Variants in FER1L6 observed in about 807,000 individuals in gnomAD.
FER1L6 encodes the protein fer-1-like protein 6.
Under a neutral mutation model 219.2 loss-of-function variants are expected in FER1L6, and 177 were observed. The observed-to-expected ratio is 0.81, with a 90% CI of 0.71 to 0.91. The LOEUF (loss-of-function observed/expected upper bound fraction) is 0.91. FER1L6 is among the 40% of genes least tolerant of loss of function. FER1L6 has a pLI of 0.00. For synonymous variants in FER1L6, 768 were observed against 824.3 expected (o/e 0.93, Z 1.17); for missense variants, 2,153 against 2,259.9 (o/e 0.95, Z 0.96).
chr8:123,865,075 A>G lies in FER1L6; in HGVS notation c.-8+12890A>G, dbSNP rs969983548. Among the ~76,000 whole-genome samples, 14 of 150,278 alleles carry G rather than the reference A, an allele frequency of 9.3e-5. 1 individual carries two copies. Among genetic ancestry groups the G allele is most frequent in the African/African-American group, 3.5e-4 (14 of 39,870 alleles). ...AGGTGCTCTGTGTTTTAGAGTTTCC[A>G]GTTTTTCTGTTCTGTTTTTTCCCCA... On this transcript the variant is annotated intron_variant, in intron 1 of 40. Transcript: ENST00000522917.
chr8:123,892,353 A>G (rs1337080188), intron 1 of FER1L6, among the ~76,000 whole-genome samples: 2 of 152,004 alleles, frequency 1.3e-5, no homozygotes, highest in Non-Finnish European at 2.9e-5. Flanking sequence ...GTGCAATGGC[A>G]TGATCTTGGC....
intron 1 of FER1L6, among the ~76,000 whole-genome samples, chr8:123,942,491 C>G (rs13259104): frequency 0.22 from 33,968 of 152,262 alleles, 4,688 homozygotes; most frequent in East Asian, 0.41. Flanking sequence ...GCATCATCCT[C>G]TCACAGTTCT....
At chr8:123,881,658 G>T (rs577202249) in intron 1 of FER1L6, among the ~76,000 whole-genome samples, 1 of 152,154 alleles carries the variant, frequency 6.6e-6, no homozygotes, top group Non-Finnish European at 1.5e-5. Flanking sequence ...CTTCAATACC[G>T]TAGACCCTGT....
At chr8:123,941,011 T>A (rs1814218982) in intron 1 of FER1L6, among the ~76,000 whole-genome samples, 1 of 152,344 alleles carries the variant, frequency 6.6e-6, no homozygotes. Flanking sequence ...TCTTTTTGTA[T>A]ATTTATTTAT....
chr8:123,956,836 T>C (rs1282888935), intron 2 of FER1L6, among the ~76,000 whole-genome samples: 1 of 152,134 alleles, frequency 6.6e-6, no homozygotes, highest in African/African-American at 2.4e-5. Context: ...ATCCAGGCTG[T>C]CTCACTTTCT....
At chr8:123,897,677 T>A (rs1036006801) in intron 1 of FER1L6, among the ~76,000 whole-genome samples, 1 of 152,222 alleles carries the variant, frequency 6.6e-6, no homozygotes, top group Non-Finnish European at 1.5e-5. Context: ...AGGCCAGCCA[T>A]GTTTCAGTGA....
chr8:123,882,169 C>T lies in FER1L6; in HGVS notation c.-8+29984C>T, dbSNP rs1241372326. ...AAAGGGAATGTCCTGGAACTCCGGC[C>T]CACAAAACCACATTTTTTTTTTTTA... On this transcript the variant is annotated intron_variant, in intron 1 of 40. Coordinates refer to ENST00000522917, the MANE Select transcript of FER1L6 (RefSeq NM_001039112.2). 2.0e-5 allele frequency among the ~76,000 whole-genome samples: 3 copies of T among 149,660 alleles called. No individual in the cohort carries two copies. In the East Asian group the frequency reaches 5.8e-4, roughly 29 times the overall value.
intron 1 of FER1L6, among the ~76,000 whole-genome samples, chr8:123,900,566 G>A (rs1812838502): frequency 6.6e-6 from 1 of 152,096 alleles, no homozygotes; most frequent in African/African-American, 2.4e-5. Context: ...AGTTTTCAGA[G>A]GGGATGCTTT....
chr8:124,054,302 G>A (rs565492010), intron 22 of FER1L6, among the ~76,000 whole-genome samples: 7 of 151,884 alleles, frequency 4.6e-5, no homozygotes, highest in South Asian at 2.1e-4. Flanking sequence ...GGTTTTTTTT[G>A]GAACATCACT....
chr8:123,920,690 A>G (rs1318921194), intron 1 of FER1L6, among the ~76,000 whole-genome samples: 1 of 152,188 alleles, frequency 6.6e-6, no homozygotes, highest in Non-Finnish European at 1.5e-5. Flanking sequence ...GGAATTTTTA[A>G]CTGTAAAAAA....
intron 33 of FER1L6, among the ~76,000 whole-genome samples, chr8:124,090,277 C>T (rs1408365147): frequency 6.6e-6 from 1 of 152,224 alleles, no homozygotes; most frequent in Non-Finnish European, 1.5e-5. Flanking sequence ...CCTAGTGGAA[C>T]CATATGCCTC....
intron 22 of FER1L6, among the ~76,000 whole-genome samples, chr8:124,050,026 C>T (rs1024009429): frequency 6.6e-6 from 1 of 152,202 alleles, no homozygotes; most frequent in African/African-American, 2.4e-5. Flanking sequence ...GTGCAAATTC[C>T]TGAGCTTGCA....
At chr8:123,985,372 A>G (rs148872721) in intron 11 of FER1L6, 5 of 152,402 alleles carry the variant, frequency 3.3e-5, no homozygotes, top group East Asian at 1.9e-4. Flanking sequence ...TGATTGCCCA[A>G]TGCTTGTACA....
chr8:124,039,768 C>A, intron 19 of FER1L6, 114 bp from the exon 20 acceptor site: 2 of 1,358,102 alleles, frequency 1.5e-6, no homozygotes, highest in Non-Finnish European at 2.0e-6. Flanking sequence ...GGCTGGTGGT[C>A]TCCTTTTGTC....
At chr8:123,937,469 A>G (rs1179152735) in intron 1 of FER1L6, among the ~76,000 whole-genome samples, 1 of 152,162 alleles carries the variant, frequency 6.6e-6, no homozygotes, top group African/African-American at 2.4e-5. Flanking sequence ...TCCCTGAGAA[A>G]AGGCCTTTGA....
chr8:124,024,893 G>GACC (rs1818635424), intron 18 of FER1L6, among the ~76,000 whole-genome samples: 1 of 152,078 alleles, frequency 6.6e-6, no homozygotes, highest in South Asian at 2.1e-4. Flanking sequence ...TTTAATAATG[G>GACC]CCATTCTAGC....
chr8:124,001,118 A>T (rs1817390924), intron 12 of FER1L6, among the ~76,000 whole-genome samples: 1 of 152,224 alleles, frequency 6.6e-6, no homozygotes. Flanking sequence ...GAACTTGCCC[A>T]TAGGCAGTAA....
intron 1 of FER1L6, among the ~76,000 whole-genome samples, chr8:123,926,151 G>C (rs909349872): frequency 6.6e-6 from 1 of 152,198 alleles, no homozygotes; most frequent in African/African-American, 2.4e-5. Context: ...GTGACGTGGT[G>C]GCAGCAGTCC....
chr8:123,907,666 G>T (rs1175618466), intron 1 of FER1L6, among the ~76,000 whole-genome samples: 1 of 148,270 alleles, frequency 6.7e-6, no homozygotes, highest in East Asian at 2.1e-4. Flanking sequence ...AACCCAGGAG[G>T]CTTCCCTGAG....
Sources: gnomAD v4.1 joint callset for allele counts (sites outside exome capture counted in the v4.1 genomes callset) on GRCh38, gnomAD v4.1.1 for gene constraint, MANE v1.5 for transcripts, NCBI Gene and HGNC (gene_info 2026-07-23, HGNC 2026-07-21) for gene names.